The following SLC13A1 variants were observed in gnomAD, a reference collection of about 807,000 sequenced individuals.
The protein encoded by SLC13A1 is Na(+)/sulfate cotransporter.
Under a neutral mutation model 70.0 loss-of-function variants are expected in SLC13A1, and 65 were observed. The ratio of observed to expected loss-of-function variants is 0.93; its 90% confidence interval spans 0.76 to 1.14. SLC13A1 has a LOEUF of 1.14. Among genes scored for constraint, SLC13A1 ranks in the 50% most tolerant of loss-of-function variants. The probability of loss-of-function intolerance (pLI) is 0.00; values close to 1 mark genes in which losing one functional copy is unlikely to be tolerated. For missense variants in SLC13A1, 726 were observed against 717.8 expected (o/e 1.01, Z -0.13); for synonymous variants, 275 against 250.5 (o/e 1.10, Z -0.92).
chr7:123,148,556 G>A (rs1291050932), intron 6 of SLC13A1: 2 of 409,800 alleles, frequency 4.9e-6, no homozygotes, highest in Admixed American at 6.1e-5. Flanking sequence ...CCCTTTGTTG[G>A]TTTGATTCTT....
intron 6 of SLC13A1, among the ~76,000 whole-genome samples, chr7:123,161,833 T>C (rs1177925843): frequency 6.6e-6 from 1 of 152,156 alleles, no homozygotes; most frequent in Non-Finnish European, 1.5e-5. Flanking sequence ...TTGGGGGTGA[T>C]TCTGTAAGGA....
intron 11 of SLC13A1, among the ~76,000 whole-genome samples, chr7:123,124,216 G>A (rs1793482228): frequency 6.6e-6 from 1 of 152,116 alleles, no homozygotes; most frequent in South Asian, 2.1e-4. Flanking sequence ...CTCTTTCTAA[G>A]GGAGGGAATT....
At chr7:123,125,352 A>T (rs1793522390) in intron 11 of SLC13A1, among the ~76,000 whole-genome samples, 1 of 152,150 alleles carries the variant, frequency 6.6e-6, no homozygotes, top group Non-Finnish European at 1.5e-5. Context: ...ACAAAAGGAA[A>T]TCTACTTCTC....
intron 7 of SLC13A1, among the ~76,000 whole-genome samples, chr7:123,142,660 G>GGGTCTTACTTTATTGCCC (rs1554546351): frequency 7.5e-6 from 1 of 132,690 alleles, no homozygotes. Context: ...TTTTTTGATG[G>GGGTCTTACTTTATTGCCC]AGGCTGGAGT....
intron 6 of SLC13A1, among the ~76,000 whole-genome samples, chr7:123,163,193 A>G (rs962326839): frequency 2.6e-5 from 4 of 152,230 alleles, no homozygotes; most frequent in African/African-American, 2.4e-5. Context: ...AGGTACCCCA[A>G]TGGAACCTGA....
At chr7:123,191,299 T>C (rs1318561269) in intron 1 of SLC13A1, among the ~76,000 whole-genome samples, 1 of 152,174 alleles carries the variant, frequency 6.6e-6, no homozygotes, top group African/African-American at 2.4e-5. Flanking sequence ...TAGCCAGCGA[T>C]CAATCCAGCT....
At chr7:123,134,030 G>T (rs971385401) in intron 8 of SLC13A1, among the ~76,000 whole-genome samples, 5 of 151,612 alleles carry the variant, frequency 3.3e-5, no homozygotes, top group Non-Finnish European at 4.4e-5. Flanking sequence ...GGTTTTTTTT[G>T]TTGTTTTGTT....
rs556156379 is a variant in SLC13A1, at chr7:123,134,144, T to C, written c.932+266A>G. Reference sequence around the variant, plus strand: ...GATTGCGCAAGCAATCCTCCCACCTTGGCCTTTCAAAGTGCTGGGATTATA... The same window carrying C: ...GATTGCGCAAGCAATCCTCCCACCTCGGCCTTTCAAAGTGCTGGGATTATA... On this transcript the variant is annotated intron_variant, in intron 8 of 14. Coordinates refer to ENST00000194130, the MANE Select transcript of SLC13A1 (RefSeq NM_022444.4). Among the ~76,000 whole-genome samples, 12 of 152,244 alleles carry C rather than the reference T, an allele frequency of 7.9e-5. No homozygotes were observed. The South Asian group carries it at 2.3e-3, about 29-fold the overall frequency.
At chr7:123,182,255 T>C (rs571596671) in intron 1 of SLC13A1, among the ~76,000 whole-genome samples, 1 of 152,262 alleles carries the variant, frequency 6.6e-6, no homozygotes, top group Non-Finnish European at 1.5e-5. Flanking sequence ...TAAATTAAAA[T>C]GCCAGCATGG....
chr7:123,188,100 A>C (rs1413252526), intron 1 of SLC13A1, among the ~76,000 whole-genome samples: 1 of 152,172 alleles, frequency 6.6e-6, no homozygotes, highest in East Asian at 1.9e-4. Context: ...AACCAGGTGG[A>C]GGTAATTGAA....
At chr7:123,160,829 A>G (rs1214341530) in intron 6 of SLC13A1, among the ~76,000 whole-genome samples, 1 of 152,158 alleles carries the variant, frequency 6.6e-6, no homozygotes, top group African/African-American at 2.4e-5. Flanking sequence ...ATTTCTAAGC[A>G]TCTTTTGAGT....
At chr7:123,169,026 G>A (rs1291871349) in intron 4 of SLC13A1, 122 bp downstream of exon 4, 3 of 836,722 alleles carry the variant, frequency 3.6e-6, no homozygotes, top group East Asian at 5.2e-5. Context: ...ATAGAGGGAA[G>A]AAAGTTAAAT....
At chr7:123,173,976 T>TG (rs922215418) in intron 2 of SLC13A1, among the ~76,000 whole-genome samples, 16 of 151,748 alleles carry the variant, frequency 1.1e-4, no homozygotes, top group African/African-American at 3.6e-4. Flanking sequence ...AGCTGTTTTT[T>TG]TTTTTTTTTT....
chr7:123,115,737 C>T (rs1186925786), intron 14 of SLC13A1, 82 bp from the exon 15 acceptor site: 2 of 1,386,020 alleles, frequency 1.4e-6, no homozygotes, highest in Non-Finnish European at 2.0e-6. Flanking sequence ...GATGTATATG[C>T]CAAATTTACA....
chr7:123,142,356 C>A (rs1794184140), intron 7 of SLC13A1, among the ~76,000 whole-genome samples: 1 of 152,172 alleles, frequency 6.6e-6, no homozygotes, highest in Non-Finnish European at 1.5e-5. Flanking sequence ...CCCTCCTTCC[C>A]AGGACAGGTC....
chr7:123,182,647 A>G (rs918787381), intron 1 of SLC13A1, among the ~76,000 whole-genome samples: 1 of 152,110 alleles, frequency 6.6e-6, no homozygotes, highest in African/African-American at 2.4e-5. Flanking sequence ...AATAGAATAC[A>G]TAGTGCTAGC....
rs769140997 is a variant in SLC13A1 at position 123,119,112 on chromosome 7, A to G, written c.1481T>C (p.Ile494Thr). The change falls in exon 13 of 15, where the codon ATT becomes ACT. Residue 494 changes from isoleucine (I) to threonine (T), a missense_variant. Physicochemically the swap from Ile to Thr is moderately conservative, Grantham distance 89. Transcript: ENST00000194130. ...LTEVASNPATITLFLPILSPL... is the reference protein window; with the variant it reads ...LTEVASNPATTTLFLPILSPL... Reference sequence around the variant, plus strand: ...AGATAATATTGGGAGAAAGAGTGTAATGGTAGCTGGATTGCTGGCTACCTC... The same window carrying G: ...AGATAATATTGGGAGAAAGAGTGTAGTGGTAGCTGGATTGCTGGCTACCTC... 5.0e-6 allele frequency: 8 copies of G among 1,612,486 alleles called. No individual in the cohort carries two copies. Among genetic ancestry groups the G allele is most frequent in the Admixed American group, 1.7e-5 (1 of 59,886 alleles).
rs113315950 is a variant in SLC13A1, at chr7:123,113,908, T to G, written c.*1610A>C. 114 of 152,128 alleles carry G rather than the reference T, an allele frequency of 7.5e-4. No individual in the cohort carries two copies. Among genetic ancestry groups the G allele is most frequent in the African/African-American group, 2.3e-3 (94 of 41,534 alleles). The allele number at this position is 152,128 out of a possible 1,614,324, so 9.4% of individuals were successfully genotyped here. A position where few individuals can be genotyped will look rare whatever the true frequency, so the allele number is the denominator to read the frequency against. ...TTCAAGAATAAGTTTGTAAATAATCTTATTTGAATAAAAAATGACAAGGTC... is the reference window on the plus strand; with the variant it reads ...TTCAAGAATAAGTTTGTAAATAATCGTATTTGAATAAAAAATGACAAGGTC... On this transcript the variant is annotated 3_prime_UTR_variant, in exon 15 of 15. Coordinates refer to ENST00000194130, the MANE Select transcript of SLC13A1 (RefSeq NM_022444.4).
At chr7:123,191,929 G>A (rs1162110556) in intron 1 of SLC13A1, among the ~76,000 whole-genome samples, 2 of 152,102 alleles carry the variant, frequency 1.3e-5, no homozygotes, top group Non-Finnish European at 2.9e-5. Context: ...AGTGAGTAAG[G>A]TTCTTCTTTC....
Sources: allele counts gnomAD v4.1 joint callset (sites outside exome capture counted in the v4.1 genomes callset), GRCh38; gene constraint gnomAD v4.1.1; transcripts MANE v1.5; gene names NCBI Gene and HGNC (gene_info 2026-07-23, HGNC 2026-07-21).